The following PCDHGA11 variants were observed in gnomAD, a reference collection of about 807,000 sequenced individuals.
PCDHGA11 encodes protocadherin gamma-A11.
Under a neutral mutation model 60.4 loss-of-function variants are expected in PCDHGA11, and 39 were observed. The ratio of observed to expected loss-of-function variants is 0.65; its 90% CI spans 0.50 to 0.84. The LOEUF is 0.84. Ranked by LOEUF, PCDHGA11 falls within the 40% of genes least tolerant of loss-of-function variation. The pLI, the probability that PCDHGA11 is intolerant of heterozygous loss-of-function variation, is 0.00. For missense variants in PCDHGA11, 1,165 were observed against 1,197.7 expected (o/e 0.97, Z 0.40); for synonymous variants, 533 against 510.3 (o/e 1.04, Z -0.60).
rs767577725 is a variant in PCDHGA11 at position 141,485,642 on chromosome 5, G to T, written c.2434-9165G>T. 4.3e-6 allele frequency: 7 copies of T among 1,612,162 alleles called. No homozygotes were observed. The highest frequency in any genetic ancestry group is 1.7e-5 in the Admixed American group (1 of 59,938). ...AGGACAGCGTTTCCCGTTGGAAAAGGCTCAGGATGCAGATGTGGGGAGCAA... is the reference window on the plus strand; with the variant it reads ...AGGACAGCGTTTCCCGTTGGAAAAGTCTCAGGATGCAGATGTGGGGAGCAA... On this transcript the variant is annotated intron_variant, in intron 1 of 3. Coordinates refer to ENST00000398587, the MANE Select transcript of PCDHGA11 (RefSeq NM_018914.3). This position sits in a 1 kb window ranked among gnomAD's most constrained non-coding sequence, Gnocchi z 5.7.
chr5:141,512,262 C>G lies in PCDHGA11; in HGVS notation c.*1089C>G, dbSNP rs925517361. On this transcript the variant is annotated 3_prime_UTR_variant, in exon 4 of 4. Transcript: ENST00000398587. ...GAGGGGCCTCTGTGGGTGCTGGGTA[C>G]TCCAGAGGTGCCACTGGTGGAAGGG... 1 of 152,712 alleles carries G rather than the reference C, an allele frequency of 6.5e-6. No homozygotes were observed. The highest frequency in any genetic ancestry group is 2.4e-5 in the African/African-American group (1 of 41,452). 9.5% of individuals were successfully genotyped at this position (152,712 alleles called of 1,614,324 possible).
Position 141,476,782 on chromosome 5 carries a change from A to T in PCDHGA11, c.2434-18025A>T. On this transcript the variant is annotated intron_variant, in intron 1 of 3. Coordinates refer to ENST00000398587, the MANE Select transcript of PCDHGA11 (RefSeq NM_018914.3). The surrounding 1 kb of genome is among the most constrained non-coding windows in gnomAD (Gnocchi z 7.6). ...TGACGGCGTTGGACGGAGGGACCCCAGCTCTCTCCGCCAGCCTGCCTATTC... is the reference window on the plus strand; with the variant it reads ...TGACGGCGTTGGACGGAGGGACCCCTGCTCTCTCCGCCAGCCTGCCTATTC... 6.2e-7 allele frequency: 1 copy of T among 1,613,568 alleles called. No individual in the cohort carries two copies. The highest frequency in any genetic ancestry group is 8.5e-7 in the Non-Finnish European group (1 of 1,179,996).
At chr5:141,469,804 T>C (rs1433459377) in intron 1 of PCDHGA11, among the ~76,000 whole-genome samples, 1 of 152,060 alleles carries the variant, frequency 6.6e-6, no homozygotes, top group Non-Finnish European at 1.5e-5. Context: ...TGCAAAAACA[T>C]TGTAGATAGA....
At chr5:141,438,630 A>T (rs1232206839) in intron 1 of PCDHGA11, among the ~76,000 whole-genome samples, 1 of 38,920 alleles carries the variant, frequency 2.6e-5, no homozygotes, top group East Asian at 8.1e-4. Context: ...ATATATATAT[A>T]TATATACACA....
At chr5:141,469,569 G>A (rs975304006) in intron 1 of PCDHGA11, among the ~76,000 whole-genome samples, 1 of 152,122 alleles carries the variant, frequency 6.6e-6, no homozygotes, top group Non-Finnish European at 1.5e-5. Flanking sequence ...GTGAGACTCT[G>A]TCTCTAAATA....
intron 1 of PCDHGA11, among the ~76,000 whole-genome samples, chr5:141,451,365 G>C (rs557753113): frequency 2.0e-5 from 3 of 152,116 alleles, no homozygotes; most frequent in Non-Finnish European, 4.4e-5. Context: ...GGATGGATCC[G>C]CTTCTAATCT....
In PCDHGA11 at chr5:141,490,108, C is replaced by A; in HGVS notation, c.2434-4699C>A. The A allele has an allele frequency of 6.2e-7, 1 of 1,614,244 alleles. No homozygotes were observed. The highest frequency in any genetic ancestry group is 8.5e-7 in the Non-Finnish European group (1 of 1,180,034). On this transcript the variant is annotated intron_variant, in intron 1 of 3. Transcript: ENST00000398587. This position sits in a 1 kb window ranked among gnomAD's most constrained non-coding sequence, Gnocchi z 5.4. The stretch of plus-strand genomic sequence containing the variant: ...TGGAGACCACACATCTGAGGCAGTG[C>A]GGAACCTCTTTGGCCTAGACCCTAG...
In PCDHGA11 at chr5:141,485,615, C is replaced by G; in HGVS notation, c.2434-9192C>G. ...CTTGGAAATTGGGGAGGCAGCTCCTCCAGGACAGCGTTTCCCGTTGGAAAA... is the reference window on the plus strand; with the variant it reads ...CTTGGAAATTGGGGAGGCAGCTCCTGCAGGACAGCGTTTCCCGTTGGAAAA... On this transcript the variant is annotated intron_variant, in intron 1 of 3. Coordinates refer to ENST00000398587, the MANE Select transcript of PCDHGA11 (RefSeq NM_018914.3). This position sits in a 1 kb window ranked among gnomAD's most constrained non-coding sequence, Gnocchi z 5.7. 6.2e-7 allele frequency: 1 copy of G among 1,612,250 alleles called. No individual in the cohort carries two copies. The highest frequency in any genetic ancestry group is 1.3e-5 in the African/African-American group (1 of 74,992).
Position 141,423,287 on chromosome 5 carries a change from C to T in PCDHGA11, c.2060C>T (p.Thr687Ile). Residue 687 changes from threonine to isoleucine, a missense_variant, in exon 1 of 4, where the codon ACC becomes ATC. By Grantham distance (89) the Thr-to-Ile change is moderately conservative. Transcript: ENST00000398587. ...CTCGAGTCTCTGGCTAACTCTGAAA[C>T]CTCAGACCTCTCGCTGTACTTGGTG... Reference protein sequence around the residue: ...GSLESLANSETSDLSLYLVVA... With the variant: ...GSLESLANSEISDLSLYLVVA... 1 of 1,586,406 alleles carries T rather than the reference C, an allele frequency of 6.3e-7. No homozygotes were observed. The highest frequency in any genetic ancestry group is 1.1e-5 in the South Asian group (1 of 89,236).
At chr5:141,505,298 T>TA in intron 2 of PCDHGA11, 95 bp from the exon 3 acceptor site, 1 of 1,586,334 alleles carries the variant, frequency 6.3e-7, no homozygotes, top group Non-Finnish European at 8.6e-7. Context: ...GGGGTAGGGT[T>TA]AGGGTACTAG....
chr5:141,509,148 C>T (rs1345910772), intron 3 of PCDHGA11, among the ~76,000 whole-genome samples: 1 of 152,198 alleles, frequency 6.6e-6, no homozygotes, highest in Non-Finnish European at 1.5e-5. Context: ...CATCCCGGCT[C>T]TCCCCTCCCG....
Position 141,432,320 on chromosome 5 carries a change from G to A in PCDHGA11, c.2433+8660G>A, listed in dbSNP as rs369088426. 4 of 1,614,120 alleles carry A rather than the reference G, an allele frequency of 2.5e-6. No individual in the cohort carries two copies. The African/African-American group carries it at 4.0e-5, about 16-fold the overall frequency. On this transcript the variant is annotated intron_variant, in intron 1 of 3. Coordinates refer to ENST00000398587, the MANE Select transcript of PCDHGA11 (RefSeq NM_018914.3). The surrounding 1 kb of genome is among the most constrained non-coding windows in gnomAD (Gnocchi z 6.0). ...GGTACTGTATGCGCTGAGCTCCTTC[G>A]ACTACGAGCAGTTCCGAGACTTGCA...
At chr5:141,458,730 C>T (rs1239174331) in intron 1 of PCDHGA11, among the ~76,000 whole-genome samples, 1 of 151,928 alleles carries the variant, frequency 6.6e-6, no homozygotes, top group Non-Finnish European at 1.5e-5. Flanking sequence ...CCACCACATC[C>T]AGCTATTGGT....
chr5:141,497,060 G>A (rs1244885752), intron 2 of PCDHGA11, among the ~76,000 whole-genome samples: 1 of 151,952 alleles, frequency 6.6e-6, no homozygotes, highest in African/African-American at 2.4e-5. Context: ...GTGGTGGCAG[G>A]CACCTGTAAT....
Position 141,421,351 on chromosome 5 carries a change from A to G in PCDHGA11, c.124A>G (p.Lys42Glu). ...ATATTCGGTGCCAGAAGAGACCGAA[A>G]AGGGCTCCTTCGTGGGCAATATCTC... ...IRYSVPEETE[K>E]GSFVGNISKD... Residue 42 changes from lysine to glutamate, a missense_variant, in exon 1 of 4, where the codon AAG (lysine) becomes GAG (glutamate). Coordinates refer to ENST00000398587, the MANE Select transcript of PCDHGA11 (RefSeq NM_018914.3). 1.2e-6 allele frequency: 2 copies of G among 1,613,988 alleles called. No homozygotes were observed. Among genetic ancestry groups the G allele is most frequent in the Non-Finnish European group, 1.7e-6 (2 of 1,179,900 alleles).
Position 141,505,383 on chromosome 5 carries a change from C to T in PCDHGA11, c.2493-10C>T, listed in dbSNP as rs369765886. On this transcript the variant is annotated splice_polypyrimidine_tract_variant and intron_variant, in intron 2 of 3. Coordinates refer to ENST00000398587, the MANE Select transcript of PCDHGA11 (RefSeq NM_018914.3). Reference sequence around the variant, plus strand: ...GGGAGTCTGTGCTCACCATCCTACTCTCTCCCCAGCTCCCAAAATGGCGAT... The same window carrying T: ...GGGAGTCTGTGCTCACCATCCTACTTTCTCCCCAGCTCCCAAAATGGCGAT... The T allele has an allele frequency of 1.2e-6, 2 of 1,613,944 alleles. No individual in the cohort carries two copies. Among genetic ancestry groups the T allele is most frequent in the African/African-American group, 2.7e-5 (2 of 74,914 alleles).
At chr5:141,439,151 C>T (rs563575567) in intron 1 of PCDHGA11, among the ~76,000 whole-genome samples, 1 of 150,892 alleles carries the variant, frequency 6.6e-6, no homozygotes, top group Admixed American at 6.6e-5. Context: ...TGAGATCACG[C>T]CACTGCACTC....
intron 1 of PCDHGA11, chr5:141,478,312 C>T (rs768312280): frequency 8.1e-6 from 13 of 1,614,002 alleles, no homozygotes; most frequent in East Asian, 2.2e-5. Flanking sequence ...CCCCGGTGAG[C>T]TCACTGTACC....
rs184178455 is a variant in PCDHGA11 at position 141,428,574 on chromosome 5, T to C, written c.2433+4914T>C. ...CAGTCCCCCCACAAGATCTTTCTAA[T>C]GAAGTTTCTCTGGTAGCAAGCTTCA... is the stretch of plus-strand genomic sequence containing the variant. On this transcript the variant is annotated intron_variant, in intron 1 of 3. Transcript: ENST00000398587. 1.8e-3 allele frequency: 416 copies of C among 229,070 alleles called. 3 individuals are homozygous for C. The highest frequency in any genetic ancestry group is 2.8e-3 in the Non-Finnish European group (314 of 113,918). The allele number at this position is 229,070 out of a possible 1,614,324, so 14.2% of individuals were successfully genotyped here. A position where few individuals can be genotyped will look rare whatever the true frequency, so the allele number is the denominator to read the frequency against.
Sources: allele counts gnomAD v4.1 joint callset (sites outside exome capture counted in the v4.1 genomes callset), GRCh38; gene constraint gnomAD v4.1.1; non-coding constraint Gnocchi (gnomAD v3.1); transcripts MANE v1.5; gene names NCBI Gene and HGNC (gene_info 2026-07-23, HGNC 2026-07-21).